Variants in EYS observed in about 807,000 individuals in gnomAD.
EYS encodes the protein protein eyes shut homolog.
In EYS, 250 loss-of-function variants were observed where a neutral mutation model predicts 282.1. The ratio of observed to expected loss-of-function variants is 0.89; its 90% confidence interval spans 0.80 to 0.98. EYS has a LOEUF of 0.98. Among genes scored for constraint, EYS ranks in the 50% least tolerant of loss-of-function variants. The pLI, the probability that EYS is intolerant of heterozygous loss-of-function variation, is 0.00. For missense variants in EYS, 4,016 were observed against 3,709.0 expected (o/e 1.08, Z -2.15); for synonymous variants, 1,355 against 1,282.9 (o/e 1.06, Z -1.20).
At chr6:65,017,355 T>C (rs1356824095) in intron 13 of EYS, among the ~76,000 whole-genome samples, 5 of 152,232 alleles carry the variant, frequency 3.3e-5, no homozygotes, top group Non-Finnish European at 7.3e-5. Flanking sequence ...ATTTTAAATT[T>C]ATGACTTACA....
chr6:64,234,687 C>T (rs1006590677), intron 30 of EYS, among the ~76,000 whole-genome samples: 1 of 152,156 alleles, frequency 6.6e-6, no homozygotes. Context: ...TTTCCCTTAA[C>T]AGCCACTCTC....
intron 2 of EYS, among the ~76,000 whole-genome samples, chr6:65,614,383 T>C (rs1766111603): frequency 2.0e-5 from 3 of 152,064 alleles, no homozygotes; most frequent in African/African-American, 7.2e-5. Flanking sequence ...TCCGTATATT[T>C]GGTAAAAATG....
At chr6:64,201,537 A>G (rs996432931) in intron 31 of EYS, among the ~76,000 whole-genome samples, 1 of 152,124 alleles carries the variant, frequency 6.6e-6, no homozygotes, top group South Asian at 2.1e-4. Flanking sequence ...AGTGCCATAT[A>G]ACAATGTCTT....
chr6:64,866,688 T>C (rs1027287188), intron 19 of EYS, among the ~76,000 whole-genome samples: 2 of 151,790 alleles, frequency 1.3e-5, no homozygotes, highest in African/African-American at 4.8e-5. Context: ...TTCTACTTTA[T>C]ATTAATAAAA....
At chr6:65,496,578 A>T (rs2127273318) in intron 2 of EYS, among the ~76,000 whole-genome samples, 1 of 152,198 alleles carries the variant, frequency 6.6e-6, no homozygotes, top group South Asian at 2.1e-4. Context: ...GCAACCTGAG[A>T]TTTAATTCTC....
At chr6:64,982,397 T>G (rs998325312) in intron 14 of EYS, among the ~76,000 whole-genome samples, 1 of 151,392 alleles carries the variant, frequency 6.6e-6, no homozygotes, top group African/African-American at 2.4e-5. Context: ...TAAGAATCAT[T>G]TATTTACTGT....
chr6:65,093,182 A>G (rs1244497985), intron 12 of EYS, among the ~76,000 whole-genome samples: 4 of 152,036 alleles, frequency 2.6e-5, no homozygotes, highest in Non-Finnish European at 1.5e-5. Context: ...TACCATGAAT[A>G]TTATCCCCAG....
At chr6:64,331,263 GAAAGGAAATCAAAAATGA>G (rs1227348408) in intron 29 of EYS, among the ~76,000 whole-genome samples, 1 of 152,106 alleles carries the variant, frequency 6.6e-6, no homozygotes, top group Non-Finnish European at 1.5e-5. Flanking sequence ...ACTACTGAAG[GAAAGGAAATCAAAAATGA>G]AAAGGAAATA....
intron 5 of EYS, among the ~76,000 whole-genome samples, chr6:65,479,330 C>T (rs10806507): frequency 0.17 from 26,535 of 152,080 alleles, 2,876 homozygotes; most frequent in East Asian, 0.27. Flanking sequence ...AATAAATTGA[C>T]GAGTGGATTC....
chr6:65,340,423 A>G (rs530385069), intron 10 of EYS, among the ~76,000 whole-genome samples: 1 of 151,346 alleles, frequency 6.6e-6, no homozygotes, highest in East Asian at 2.0e-4. Flanking sequence ...AAACTAAAAT[A>G]AACCTAATTT....
At chr6:64,147,508 T>G (rs1229613048) in intron 31 of EYS, among the ~76,000 whole-genome samples, 2 of 152,166 alleles carry the variant, frequency 1.3e-5, no homozygotes, top group African/African-American at 4.8e-5. Context: ...TGCCAGGCAC[T>G]GTGGCACTGA....
intron 15 of EYS, among the ~76,000 whole-genome samples, chr6:64,917,960 C>A (rs558083700): frequency 1.3e-5 from 2 of 152,074 alleles, no homozygotes; most frequent in South Asian, 4.2e-4. Context: ...TAGTGTCCTA[C>A]AAATTGGGGA....
At chr6:65,086,640 T>C (rs1235347659) in intron 12 of EYS, among the ~76,000 whole-genome samples, 1 of 152,182 alleles carries the variant, frequency 6.6e-6, no homozygotes, top group Non-Finnish European at 1.5e-5. Context: ...GATTATGCGA[T>C]ACTGGTAAAA....
intron 31 of EYS, among the ~76,000 whole-genome samples, chr6:64,165,156 A>G (rs1049977636): frequency 3.3e-5 from 5 of 152,074 alleles, no homozygotes; most frequent in African/African-American, 1.2e-4. Flanking sequence ...TTCTTTTTAT[A>G]TCAATTATAC....
intron 41 of EYS, among the ~76,000 whole-genome samples, chr6:63,737,779 A>G: frequency 6.6e-6 from 1 of 152,178 alleles, no homozygotes; most frequent in Non-Finnish European, 1.5e-5. Flanking sequence ...AAAAGAAACT[A>G]CCATCAGAGT....
intron 12 of EYS, among the ~76,000 whole-genome samples, chr6:65,155,062 G>A (rs989019795): frequency 2.6e-5 from 4 of 151,504 alleles, no homozygotes; most frequent in Non-Finnish European, 5.9e-5. Flanking sequence ...CATTTCCCAA[G>A]TATTTAAGTT....
intron 31 of EYS, among the ~76,000 whole-genome samples, chr6:64,183,485 G>T (rs1764847020): frequency 6.6e-6 from 1 of 152,096 alleles, no homozygotes; most frequent in Non-Finnish European, 1.5e-5. Context: ...AAAAGTATTT[G>T]TATTTGAATG....
chr6:65,309,783 C>T (rs932441847), intron 11 of EYS, among the ~76,000 whole-genome samples: 4 of 152,210 alleles, frequency 2.6e-5, no homozygotes, highest in African/African-American at 4.8e-5. Context: ...TTTCCCCTTG[C>T]CTCTTACTGC....
intron 12 of EYS, among the ~76,000 whole-genome samples, chr6:65,269,365 C>A (rs1052959458): frequency 3.3e-5 from 5 of 152,070 alleles, no homozygotes; most frequent in African/African-American, 7.2e-5. Context: ...AAGGGAGCAA[C>A]CTGTGGAGGC....
Sources: gnomAD v4.1 joint callset for allele counts (sites outside exome capture counted in the v4.1 genomes callset) on GRCh38, gnomAD v4.1.1 for gene constraint, MANE v1.5 for transcripts, NCBI Gene and HGNC (gene_info 2026-07-23, HGNC 2026-07-21) for gene names.